Variants in MARCHF7 observed in about 807,000 individuals in gnomAD.
MARCHF7 encodes membrane associated ring-CH-type finger 7.
MARCHF7 carries 20 observed loss-of-function variants against 76.5 expected under a neutral mutation model. The observed-to-expected ratio is 0.26, with a 90% CI of 0.18 to 0.38. The LOEUF is 0.38. MARCHF7 is among the 10% of genes least tolerant of loss of function. The probability of loss-of-function intolerance (pLI) is 1.00; values close to 1 mark genes in which losing one functional copy is unlikely to be tolerated. For synonymous variants in MARCHF7, 295 were observed against 293.0 expected (o/e 1.01, Z -0.07); for missense variants, 797 against 812.9 (o/e 0.98, Z 0.24).
In MARCHF7 at chr2:159,729,005, A is replaced by C; in HGVS notation, c.-14-4A>C. 6.5e-7 allele frequency: 1 copy of C among 1,536,766 alleles called. No individual in the cohort carries two copies. Among genetic ancestry groups the C allele is most frequent in the South Asian group, 1.2e-5 (1 of 80,236 alleles). ...GGCAATTAATGAAAATTTTTATTTC[A>C]CAGAAAAATCTTTAAGAATGGAGTC... On this transcript the variant is annotated splice_polypyrimidine_tract_variant and splice_region_variant and intron_variant, in intron 3 of 11. Coordinates refer to ENST00000409175, the MANE Select transcript of MARCHF7 (RefSeq NM_001282805.2).
rs1708017030 is a variant in MARCHF7 at position 159,768,479 on chromosome 2, A to G, written c.*1137A>G. The G allele has an allele frequency of 6.6e-6, 1 of 152,640 alleles. No individual in the cohort carries two copies. Among genetic ancestry groups the G allele is most frequent in the Non-Finnish European group, 1.5e-5 (1 of 68,012 alleles). The allele number at this position is 152,640 out of a possible 1,614,324, so 9.5% of individuals were successfully genotyped here. A position where few individuals can be genotyped will look rare whatever the true frequency, so the allele number is the denominator to read the frequency against. ...ACTTTTTCAAACCTAAATAGGAACC[A>G]TGTAATTTCTCAAAAGTGATTGAAC... On this transcript the variant is annotated 3_prime_UTR_variant, in exon 12 of 12. Transcript: ENST00000409175.
intron 11 of MARCHF7, among the ~76,000 whole-genome samples, chr2:159,765,039 G>A (rs1427055279): frequency 1.3e-5 from 2 of 151,952 alleles, no homozygotes; most frequent in Non-Finnish European, 2.9e-5. Context: ...TTTCTGGTAA[G>A]AAATTTTACC....
chr2:159,741,908 C>T (rs1704171330), intron 4 of MARCHF7, among the ~76,000 whole-genome samples: 1 of 151,752 alleles, frequency 6.6e-6, no homozygotes, highest in Admixed American at 6.6e-5. Context: ...TATCTGTGTC[C>T]TGTCTGTGTG....
At chr2:159,752,045 T>TA (rs886358750) in intron 7 of MARCHF7, among the ~76,000 whole-genome samples, 2 of 152,188 alleles carry the variant, frequency 1.3e-5, no homozygotes, top group African/African-American at 2.4e-5. Flanking sequence ...CTACAGAAAT[T>TA]AAAATCTCTT....
chr2:159,721,754 G>C (rs1342503514), intron 3 of MARCHF7, among the ~76,000 whole-genome samples: 1 of 152,086 alleles, frequency 6.6e-6, no homozygotes, highest in Non-Finnish European at 1.5e-5. Context: ...AATTCTAGTG[G>C]ATCTATCATG....
rs1308488574 is a variant in MARCHF7 at position 159,733,630 on chromosome 2, G to A, written c.153+4455G>A. 4.1e-6 allele frequency: 4 copies of A among 984,934 alleles called. No homozygotes were observed. In the African/African-American group the frequency reaches 7.0e-5, roughly 17 times the overall value. The allele number at this position is 984,934 out of a possible 1,614,324, so 61.0% of individuals were successfully genotyped here. A position where few individuals can be genotyped will look rare whatever the true frequency, so the allele number is the denominator to read the frequency against. On this transcript the variant is annotated intron_variant, in intron 4 of 11. Transcript: ENST00000409175. ...AAAACTTCTGTTATCTCAGGCACTT[G>A]GTAAATCTGAAGCTTCAGAGAAAAG...
intron 1 of MARCHF7, among the ~76,000 whole-genome samples, chr2:159,714,183 C>T (rs756466606): frequency 2.6e-5 from 4 of 152,160 alleles, no homozygotes; most frequent in Non-Finnish European, 4.4e-5. Flanking sequence ...GTTCAAGAAT[C>T]GTCTACATTT....
At chr2:159,716,157 ATGT>A (rs1701010767) in intron 3 of MARCHF7, among the ~76,000 whole-genome samples, 2 of 152,088 alleles carry the variant, frequency 1.3e-5, no homozygotes, top group Admixed American at 6.5e-5. Context: ...AAGGCCCAAA[ATGT>A]TGTATACTTT....
intron 4 of MARCHF7, among the ~76,000 whole-genome samples, chr2:159,738,723 A>G (rs1447172214): frequency 1.3e-5 from 2 of 152,150 alleles, no homozygotes; most frequent in Non-Finnish European, 1.5e-5. Context: ...CATGGGAGGC[A>G]ATGGGTGGGC....
rs1452893498 is a variant in MARCHF7 at position 159,769,128 on chromosome 2, C to T, written c.*1786C>T. 1 of 152,134 alleles carries T rather than the reference C, an allele frequency of 6.6e-6. No individual in the cohort carries two copies. Among genetic ancestry groups the T allele is most frequent in the Non-Finnish European group, 1.5e-5 (1 of 68,022 alleles). The allele number at this position is 152,134 out of a possible 1,614,324, so 9.4% of individuals were successfully genotyped here. A position where few individuals can be genotyped will look rare whatever the true frequency, so the allele number is the denominator to read the frequency against. On this transcript the variant is annotated 3_prime_UTR_variant, in exon 12 of 12. Coordinates refer to ENST00000409175, the MANE Select transcript of MARCHF7 (RefSeq NM_001282805.2). ...TAAATTCTGAACAAAAGAGACCATA[C>T]ACTGCTCACTACAAGAATGCAATTT...
At chr2:159,755,580 A>T (rs1560023374) in intron 8 of MARCHF7, among the ~76,000 whole-genome samples, 1 of 152,212 alleles carries the variant, frequency 6.6e-6, no homozygotes, top group Non-Finnish European at 1.5e-5. Context: ...GTTAGTCAGG[A>T]GGCACTGTGG....
At chr2:159,749,792 G>A (rs1705405185) in intron 7 of MARCHF7, among the ~76,000 whole-genome samples, 1 of 152,124 alleles carries the variant, frequency 6.6e-6, no homozygotes, top group Admixed American at 6.6e-5. Context: ...AACCGGGTTG[G>A]AATACATATA....
At chr2:159,733,248 T>C (rs989205343) in intron 4 of MARCHF7, 22 of 871,816 alleles carry the variant, frequency 2.5e-5, no homozygotes, top group Admixed American at 6.2e-5. Flanking sequence ...TTTAAAATTA[T>C]TTAGTTTTTG....
chr2:159,753,440 G>A (rs920818745), intron 8 of MARCHF7, among the ~76,000 whole-genome samples: 1 of 151,918 alleles, frequency 6.6e-6, no homozygotes, highest in South Asian at 2.1e-4. Context: ...ACCTGGTGGC[G>A]GGCGCCTGTA....
At chr2:159,740,358 GTATTCAATT>G (rs1341697431) in intron 4 of MARCHF7, among the ~76,000 whole-genome samples, 1 of 152,162 alleles carries the variant, frequency 6.6e-6, no homozygotes, top group Non-Finnish European at 1.5e-5. Context: ...TTGTACAAAT[GTATTCAATT>G]TAAAGTGCTC....
chr2:159,747,762 T>A, intron 6 of MARCHF7, 43 bp from the exon 7 acceptor site: 1 of 1,513,826 alleles, frequency 6.6e-7, no homozygotes, highest in Non-Finnish European at 8.8e-7. Flanking sequence ...ATAATAATGC[T>A]CAAATTATTT....
intron 3 of MARCHF7, among the ~76,000 whole-genome samples, chr2:159,727,023 ATTAT>A (rs1278849074): frequency 6.6e-6 from 1 of 152,224 alleles, no homozygotes; most frequent in Non-Finnish European, 1.5e-5. Flanking sequence ...TATGTACACT[ATTAT>A]TTTTGCACAG....
At chr2:159,729,603 G>T (rs1702547859) in intron 4 of MARCHF7, among the ~76,000 whole-genome samples, 1 of 151,890 alleles carries the variant, frequency 6.6e-6, no homozygotes, top group Non-Finnish European at 1.5e-5. Context: ...AACCCAGGAG[G>T]TGGAGGTTGC....
rs1223972466 is a variant in MARCHF7, at chr2:159,770,979, T to G, written c.*3637T>G. 6.6e-6 allele frequency: 1 copy of G among 152,208 alleles called. No homozygotes were observed. The highest frequency in any genetic ancestry group is 1.5e-5 in the Non-Finnish European group (1 of 68,004). The allele number at this position is 152,208 out of a possible 1,614,324, so 9.4% of individuals were successfully genotyped here. ...TTTTACTCCCCAAATGATTTTCACC[T>G]TTTTCTTAAAATGTACAATAAATGC... On this transcript the variant is annotated 3_prime_UTR_variant, in exon 12 of 12. Coordinates refer to ENST00000409175, the MANE Select transcript of MARCHF7 (RefSeq NM_001282805.2).
Sources: allele counts gnomAD v4.1 joint callset (sites outside exome capture counted in the v4.1 genomes callset), GRCh38; gene constraint gnomAD v4.1.1; transcripts MANE v1.5; gene names NCBI Gene and HGNC (gene_info 2026-07-23, HGNC 2026-07-21).